VANGL1: variants seen among roughly 807,000 people sequenced by gnomAD.
VANGL1 encodes the protein VANGL planar cell polarity protein 1, also known as vang-like protein 1.
VANGL1 carries 18 observed loss-of-function variants against 48.4 expected under a neutral mutation model. The observed-to-expected ratio is 0.37, with a 90% CI of 0.26 to 0.55. The LOEUF (loss-of-function observed/expected upper bound fraction) is 0.55, where lower values mean the gene tolerates loss of function less well. VANGL1 is among the 20% of genes least tolerant of loss of function. VANGL1 has a pLI of 0.81. For synonymous variants in VANGL1, 257 were observed against 261.8 expected, an observed-to-expected ratio of 0.98 and a Z score of 0.18; for missense variants, 667 against 675.8, an observed-to-expected ratio of 0.99 and a Z score of 0.14.
At chr1:115,675,850 G>T (rs541878309) in intron 4 of VANGL1, among the ~76,000 whole-genome samples, 1 of 152,138 alleles carries the variant, frequency 6.6e-6, no homozygotes, top group Admixed American at 6.5e-5. Flanking sequence ...TGGACTGATG[G>T]ACTCTTGATT....
chr1:115,644,155 G>C (rs1448023687), intron 1 of VANGL1, among the ~76,000 whole-genome samples: 1 of 152,186 alleles, frequency 6.6e-6, no homozygotes, highest in African/African-American at 2.4e-5. Context: ...CTACAGTGCT[G>C]TCAATTTTCT....
intron 4 of VANGL1, among the ~76,000 whole-genome samples, chr1:115,675,008 T>A (rs1653111634): frequency 6.6e-6 from 1 of 152,064 alleles, no homozygotes; most frequent in Admixed American, 6.6e-5. Flanking sequence ...AGCTATAAAA[T>A]AAGGGAGTTA....
At chr1:115,648,369 A>T (rs1214690812) in intron 1 of VANGL1, among the ~76,000 whole-genome samples, 4 of 152,166 alleles carry the variant, frequency 2.6e-5, no homozygotes, top group Non-Finnish European at 5.9e-5. Flanking sequence ...GGAGGGAGTG[A>T]CAGCATGTAT....
chr1:115,668,120 C>A (rs918679905), intron 4 of VANGL1, among the ~76,000 whole-genome samples: 1 of 152,152 alleles, frequency 6.6e-6, no homozygotes, highest in Non-Finnish European at 1.5e-5. Context: ...AGTCTAAGGC[C>A]CCACACTTTG....
Position 115,651,492 on chromosome 1 carries a change from A to G in VANGL1, c.71+8A>G, listed in dbSNP as rs767649933. The G allele has an allele frequency of 1.9e-6, 3 of 1,612,832 alleles. No homozygotes were observed. Among genetic ancestry groups the G allele is most frequent in the African/African-American group, 1.3e-5 (1 of 74,892 alleles). On this transcript the variant is annotated splice_region_variant and intron_variant, in intron 2 of 7. Coordinates refer to ENST00000355485, the MANE Select transcript of VANGL1 (RefSeq NM_138959.3). Reference sequence around the variant, plus strand: ...AAAATCTCACAGACAAGGGTATGTAAGTTGTTCATTATTACACTTTTCCTT... The same window carrying G: ...AAAATCTCACAGACAAGGGTATGTAGGTTGTTCATTATTACACTTTTCCTT...
chr1:115,681,508 T>TTTG (rs2101026753), intron 4 of VANGL1, among the ~76,000 whole-genome samples: 1 of 144,256 alleles, frequency 6.9e-6, no homozygotes, highest in East Asian at 2.0e-4. Flanking sequence ...TTGTTGTTTT[T>TTTG]TTTGTTTTTT....
Position 115,684,012 on chromosome 1 carries a change from A to G in VANGL1, c.1015A>G (p.Ser339Gly), listed in dbSNP as rs776184228. ...TGCAGCTGCTCGGCGCAGGGACTCA[A>G]GCCACAACGAGTTGTATTATGAAGA... ...IAAAARRRDS[S>G]HNELYYEEAE... The change falls in exon 6 of 8, where the codon AGC becomes GGC. Residue 339 changes from serine to glycine, a missense_variant. Physicochemically the swap from Ser to Gly is moderately conservative, Grantham distance 56 (BLOSUM62 0). Transcript: ENST00000355485. 6.8e-6 allele frequency: 11 copies of G among 1,614,214 alleles called. No individual in the cohort carries two copies. In the East Asian group the frequency reaches 2.2e-4, roughly 33 times the overall value.
In VANGL1 at chr1:115,697,774, G is replaced by A. The variant is rs1424476545; in HGVS notation, c.*6395G>A. 6.6e-6 allele frequency: 1 copy of A among 152,224 alleles called. No individual in the cohort carries two copies. Among genetic ancestry groups the A allele is most frequent in the Non-Finnish European group, 1.5e-5 (1 of 68,026 alleles). The allele number at this position is 152,224 out of a possible 1,614,324, so 9.4% of individuals were successfully genotyped here. ...TTACCTGACAGAGTCATAACGGTTT[G>A]TGTAAAAATGTGGTCAGGGACCTTT... is the stretch of plus-strand genomic sequence containing the variant. On this transcript the variant is annotated 3_prime_UTR_variant, in exon 8 of 8. Transcript: ENST00000355485.
At chr1:115,666,654 G>A (rs375147200) in intron 4 of VANGL1, among the ~76,000 whole-genome samples, 139 of 152,280 alleles carry the variant, frequency 9.1e-4, no homozygotes, top group Non-Finnish European at 1.6e-3. Flanking sequence ...TGGGGAGAGC[G>A]TTTTGAGGTG....
At chr1:115,688,880 C>G (rs1653734674) in intron 7 of VANGL1, among the ~76,000 whole-genome samples, 2 of 134,498 alleles carry the variant, frequency 1.5e-5, no homozygotes, top group Admixed American at 7.7e-5. Context: ...AACTCCACCT[C>G]CCGGGTTCAC....
intron 5 of VANGL1, among the ~76,000 whole-genome samples, chr1:115,682,755 T>G (rs1653440049): frequency 6.6e-6 from 1 of 152,238 alleles, no homozygotes; most frequent in African/African-American, 2.4e-5. Flanking sequence ...TCCTGCCTTC[T>G]GCCAGGATCA....
intron 7 of VANGL1, 27 bp from the exon 8 acceptor site, chr1:115,691,092 C>G (rs1228365681): frequency 3.1e-6 from 5 of 1,614,102 alleles, no homozygotes; most frequent in Non-Finnish European, 4.2e-6. Flanking sequence ...TGTTTCTTCC[C>G]TAATGGCCTT....
chr1:115,661,596 G>A (rs12737612), intron 3 of VANGL1, among the ~76,000 whole-genome samples: 13,902 of 152,002 alleles, frequency 0.091, 862 homozygotes, highest in Admixed American at 0.17. Context: ...CCTAGTGGAT[G>A]GACATTTGGG....
chr1:115,679,952 G>A (rs1207038349), intron 4 of VANGL1, among the ~76,000 whole-genome samples: 1 of 151,302 alleles, frequency 6.6e-6, no homozygotes, highest in East Asian at 2.0e-4. Flanking sequence ...GGCATGCACA[G>A]GGGTGGGAGC....
In VANGL1 at chr1:115,663,963, A is replaced by G. The variant is rs1412820426; in HGVS notation, c.507A>G (p.Ala169=). The change falls in exon 4 of 8, where the codon GCA becomes GCG. Residue 169 remains alanine, a synonymous_variant. Transcript: ENST00000355485. Reference sequence around the variant, plus strand: ...TCATTCTGCTCATAGGGACCTGGGCACTTTTTTTCCGCAAGCGGAGAGCTG... The same window carrying G: ...TCATTCTGCTCATAGGGACCTGGGCGCTTTTTTTCCGCAAGCGGAGAGCTG... ...KLLILLIGTW[A]LFFRKRRADM... is the part of the protein sequence containing the mutation. 1.9e-6 allele frequency: 3 copies of G among 1,614,146 alleles called. No individual in the cohort carries two copies. Among genetic ancestry groups the G allele is most frequent in the South Asian group, 1.1e-5 (1 of 91,078 alleles).
intron 4 of VANGL1, 138 bp from the exon 5 acceptor site, chr1:115,682,226 G>T: frequency 8.1e-7 from 1 of 1,227,446 alleles, no homozygotes; most frequent in African/African-American, 1.5e-5. Flanking sequence ...CCAGAAGTGT[G>T]GTGGAACCCA....
intron 1 of VANGL1, among the ~76,000 whole-genome samples, chr1:115,650,898 G>T (rs1019605864): frequency 6.6e-6 from 1 of 150,748 alleles, no homozygotes; most frequent in African/African-American, 2.4e-5. Flanking sequence ...AAGCAACTTC[G>T]CTGGGTATTG....
intron 4 of VANGL1, among the ~76,000 whole-genome samples, chr1:115,680,021 GT>G (rs879327229): frequency 0.35 from 26,987 of 77,274 alleles, 2,849 homozygotes; most frequent in East Asian, 0.45. Flanking sequence ...GTGTGTGTGT[GT>G]ATGTGAGAGA....
chr1:115,649,562 G>A (rs1652070598), intron 1 of VANGL1, among the ~76,000 whole-genome samples: 1 of 152,366 alleles, frequency 6.6e-6, no homozygotes, highest in East Asian at 1.9e-4. Flanking sequence ...AGTGCTGATA[G>A]ACAGTGACTT....
Sources: gnomAD v4.1 joint callset for allele counts (sites outside exome capture counted in the v4.1 genomes callset) on GRCh38, gnomAD v4.1.1 for gene constraint, MANE v1.5 for transcripts, NCBI Gene and HGNC (gene_info 2026-07-23, HGNC 2026-07-21) for gene names.